Variants in PHKA2 observed in about 807,000 individuals in gnomAD.
PHKA2 encodes phosphorylase b kinase regulatory subunit alpha, liver isoform.
In PHKA2, 31 loss-of-function variants were observed where a neutral mutation model predicts 102.0. The ratio of observed to expected loss-of-function variants is 0.30; its 90% CI spans 0.23 to 0.41. PHKA2 has a LOEUF of 0.41. Among genes scored for constraint, PHKA2 ranks in the 10% least tolerant of loss-of-function variants. The pLI, the probability that PHKA2 is intolerant of heterozygous loss-of-function variation, is 1.00. For missense variants in PHKA2, 858 were observed against 1,023.1 expected (o/e 0.84, Z 2.20); for synonymous variants, 455 against 416.2 (o/e 1.09, Z -1.13).
intron 13 of PHKA2, among the ~76,000 whole-genome samples, chrX:18,927,278 C>A (rs1249074276): frequency 2.7e-5 from 3 of 112,195 alleles, no homozygotes; most frequent in Non-Finnish European, 5.7e-5. Context: ...GACCTGGGGG[C>A]CCATGGAGGA....
chrX:18,900,752 G>A (rs370672322), intron 27 of PHKA2, 53 bp from the exon 28 acceptor site: 43 of 1,084,446 alleles, frequency 4.0e-5, no homozygotes, highest in Non-Finnish European at 4.9e-5. Flanking sequence ...CCAAGAACGC[G>A]TGCTTCTTCT....
chrX:18,983,859 T>C lies in PHKA2; in HGVS notation c.74A>G (p.Tyr25Cys). The C allele has an allele frequency of 8.3e-7, 1 of 1,209,271 alleles. No individual in the cohort carries two copies. The highest frequency in any genetic ancestry group is 1.1e-6 in the Non-Finnish European group (1 of 892,847). The change falls in exon 1 of 33, where the codon TAC (tyrosine) becomes TGC (cysteine). Residue 25 changes from tyrosine (Y) to cysteine (C), a missense_variant. Physicochemically the swap from Tyr to Cys is radical, Grantham distance 194 (BLOSUM62 -2). This residue lies in a region of PHKA2 where 187 missense variants were observed against 277.9 expected (regional missense o/e 0.67). Coordinates refer to ENST00000379942, the MANE Select transcript of PHKA2 (RefSeq NM_000292.3). Reference protein sequence around the residue: ...ARLVQQTILCYQNPVTGLLSA... With the variant: ...ARLVQQTILCCQNPVTGLLSA... ...CTGGGGGCGGTCCCTCCTTACCTGG[T>C]AACACAGGATGGTTTGCTGCACCAG... is the stretch of plus-strand genomic sequence containing the variant.
chrX:18,930,283 A>C (rs758352674), intron 12 of PHKA2, among the ~76,000 whole-genome samples: 1 of 111,750 alleles, frequency 8.9e-6, no homozygotes, highest in African/African-American at 3.3e-5. Flanking sequence ...TGGGGAAACC[A>C]AGATAATGAC....
chrX:18,894,488 G>T, intron 31 of PHKA2, 84 bp from the exon 32 acceptor site: 2 of 855,283 alleles, frequency 2.3e-6, no homozygotes, highest in Non-Finnish European at 1.7e-6. Context: ...AAGGGTGACC[G>T]TAGCAGTGCC....
intron 10 of PHKA2, among the ~76,000 whole-genome samples, chrX:18,938,293 G>A (rs1365970000): frequency 8.9e-6 from 1 of 112,922 alleles, no homozygotes; most frequent in Non-Finnish European, 1.9e-5. Context: ...TAGCACAGCT[G>A]AGTTCCCAGC....
chrX:18,895,045 G>T, intron 31 of PHKA2, 93 bp downstream of exon 31: 1 of 861,596 alleles, frequency 1.2e-6, no homozygotes, highest in Non-Finnish European at 1.7e-6. Context: ...ATTAGAATGA[G>T]CCCAAAAGGA....
chrX:18,916,284 G>A (rs1004854681), intron 19 of PHKA2, among the ~76,000 whole-genome samples: 3 of 111,258 alleles, frequency 2.7e-5, no homozygotes, highest in African/African-American at 9.8e-5. Context: ...ATGTGATGGT[G>A]GGTGCCTGTA....
chrX:18,902,772 C>T (rs1330107310), intron 26 of PHKA2: 1 of 94,895 alleles, frequency 1.1e-5, no homozygotes, highest in African/African-American at 4.0e-5. Context: ...AAAAAATACA[C>T]AAACAAACAA....
At position 18,936,066 on chromosome X, in the gene PHKA2, G is replaced by C. The variant is rs1384189778; in HGVS notation, c.1126C>G (p.Pro376Ala). ...IRLVPELYAV[P>A]PNKVDEEYKN... ...TGCCACTGGGTTACCTTGTTAGGCG[G>C]GACAGCGTAGAGTTCAGGCACCAGG... Residue 376 changes from proline (P) to alanine (A), a missense_variant, in exon 11 of 33, where the codon CCG becomes GCG. Physicochemically the swap from Pro to Ala is conservative, Grantham distance 27. This residue lies in a region of PHKA2 where 671 missense variants were observed against 745.2 expected (regional missense o/e 0.90). Transcript: ENST00000379942. The C allele has an allele frequency of 1.7e-6, 2 of 1,201,013 alleles. No individual in the cohort carries two copies. Among genetic ancestry groups the C allele is most frequent in the Admixed American group, 4.3e-5 (2 of 46,025 alleles).
At chrX:18,970,807 T>C (rs984693250) in intron 1 of PHKA2, among the ~76,000 whole-genome samples, 2 of 112,151 alleles carry the variant, frequency 1.8e-5, no homozygotes, top group African/African-American at 6.5e-5. Flanking sequence ...TCCAATTTCC[T>C]CTTCTTCCTA....
At chrX:18,913,531 G>A (rs1825569098) in intron 19 of PHKA2, among the ~76,000 whole-genome samples, 2 of 108,253 alleles carry the variant, frequency 1.8e-5, no homozygotes, top group South Asian at 4.0e-4. Context: ...TCAGCCTCCC[G>A]AGTAGCTGGG....
intron 1 of PHKA2, among the ~76,000 whole-genome samples, chrX:18,954,889 T>A (rs1194684560): frequency 8.9e-6 from 1 of 112,111 alleles, no homozygotes; most frequent in Non-Finnish European, 1.9e-5. Flanking sequence ...GGGAAGCCAC[T>A]TTCCCTCTCT....
intron 11 of PHKA2, among the ~76,000 whole-genome samples, chrX:18,933,250 C>A (rs1423012504): frequency 8.9e-6 from 1 of 112,668 alleles, no homozygotes; most frequent in Non-Finnish European, 1.9e-5. Context: ...ATGGAGGCAT[C>A]CCCCTCTGCC....
At chrX:18,910,022 T>C (rs1435277858) in intron 20 of PHKA2, among the ~76,000 whole-genome samples, 1 of 112,567 alleles carries the variant, frequency 8.9e-6, no homozygotes, top group Non-Finnish European at 1.9e-5. Context: ...TCTGTTCGTG[T>C]GGGGTAGAAT....
intron 23 of PHKA2, 23 bp from the exon 24 acceptor site, chrX:18,906,837 G>A (rs1277515347): frequency 7.7e-6 from 9 of 1,165,075 alleles, no homozygotes; most frequent in Middle Eastern, 2.4e-4. Flanking sequence ...ATTGTGTCAC[G>A]AATGTGATGA....
At chrX:18,932,057 G>A (rs2048325016) in intron 11 of PHKA2, among the ~76,000 whole-genome samples, 1 of 112,574 alleles carries the variant, frequency 8.9e-6, no homozygotes, top group African/African-American at 3.2e-5. Flanking sequence ...AACTCTCATG[G>A]CTCATGCTTA....
chrX:18,963,753 G>A (rs2048901032), intron 1 of PHKA2, among the ~76,000 whole-genome samples: 2 of 111,956 alleles, frequency 1.8e-5, no homozygotes, highest in Admixed American at 9.4e-5. Flanking sequence ...TATGCCTGAT[G>A]GTAGCAGCAA....
chrX:18,894,107 A>G, intron 32 of PHKA2, 97 bp downstream of exon 32: 1 of 818,337 alleles, frequency 1.2e-6, no homozygotes, highest in East Asian at 3.3e-5. Flanking sequence ...CTGTGATGAC[A>G]TTTTCTTGGT....
intron 31 of PHKA2, 67 bp downstream of exon 31, chrX:18,895,071 G>C: frequency 9.9e-7 from 1 of 1,005,931 alleles, no homozygotes; most frequent in Non-Finnish European, 1.4e-6. Flanking sequence ...AGAGGTCAGA[G>C]TCCATGCAAT....
Sources: allele counts gnomAD v4.1 joint callset (sites outside exome capture counted in the v4.1 genomes callset), GRCh38; gene constraint gnomAD v4.1.1; regional missense constraint gnomAD v4.1.1; transcripts MANE v1.5; gene names NCBI Gene and HGNC (gene_info 2026-07-23, HGNC 2026-07-21).